The following DNAJC6 variants were observed in gnomAD, a reference collection of about 807,000 sequenced individuals.
DNAJC6 encodes the protein auxilin.
Under a neutral mutation model 110.0 loss-of-function variants are expected in DNAJC6, and 34 were observed. That is an observed-to-expected ratio of 0.31 (90% CI 0.24 to 0.41). DNAJC6 has a LOEUF of 0.41. DNAJC6 is among the 10% of genes least tolerant of loss of function. The probability of loss-of-function intolerance (pLI) is 1.00; values close to 1 mark genes in which losing one functional copy is unlikely to be tolerated. For synonymous variants in DNAJC6, 406 were observed against 437.2 expected, an observed-to-expected ratio of 0.93 and a Z score of 0.89; for missense variants, 1,031 against 1,207.8, an observed-to-expected ratio of 0.85 and a Z score of 2.17.
chr1:65,406,272 G>A, intron 16 of DNAJC6, 139 bp downstream of exon 16: 1 of 1,258,552 alleles, frequency 7.9e-7, no homozygotes, highest in South Asian at 1.5e-5. Context: ...TATAGTTGTA[G>A]AGATAAAACA....
upstream of DNAJC6, among the ~76,000 whole-genome samples, chr1:65,306,121 C>T (rs1224587816): frequency 6.8e-6 from 1 of 146,760 alleles, no homozygotes; most frequent in Non-Finnish European, 1.5e-5. Context: ...TTTGTTGGCT[C>T]ACTGCAAGCT....
intron 13 of DNAJC6, among the ~76,000 whole-genome samples, chr1:65,396,598 T>C (rs1177253399): frequency 6.6e-6 from 1 of 152,222 alleles, no homozygotes; most frequent in Non-Finnish European, 1.5e-5. Context: ...CAGTGGAGTC[T>C]ACTCTGATTC....
chr1:65,358,178 C>CAAAAAAAAAAAAAAAAAAAAA (rs11285114), intron 1 of DNAJC6, among the ~76,000 whole-genome samples: 1 of 80,036 alleles, frequency 1.2e-5, no homozygotes, highest in South Asian at 5.1e-4. Context: ...GACTCAGTCT[C>CAAAAAAAAAAAAAAAAAAAAA]AAAAAAAAAA....
At chr1:65,406,454 G>A (rs1210280823) in intron 16 of DNAJC6, among the ~76,000 whole-genome samples, 1 of 152,194 alleles carries the variant, frequency 6.6e-6, no homozygotes, top group African/African-American at 2.4e-5. Context: ...CTAGCATAGT[G>A]CTTGGCATAG....
Position 65,309,890 on chromosome 1 carries a change from A to AG in DNAJC6, c.146dup (p.Ser49ArgfsTer33). 1 of 1,543,486 alleles carries AG rather than the reference A, an allele frequency of 6.5e-7. No individual in the cohort carries two copies. The highest frequency in any genetic ancestry group is 8.7e-7 in the Non-Finnish European group (1 of 1,143,438). On this transcript the variant is annotated frameshift_variant, in exon 1 of 19. Coordinates refer to ENST00000371069, the MANE Select transcript of DNAJC6 (RefSeq NM_001256864.2). LOFTEE classifies it high-confidence loss of function. ...AGTGAACGCCGGGGCAGCGGCGCGG[A>AG]GTCCCGCCCGACAGCCTCCGGACCG...
chr1:65,406,328 A>G lies in DNAJC6; in HGVS notation c.2491+195A>G, dbSNP rs60807413. Among the ~76,000 whole-genome samples the G allele has an allele frequency of 0.15, 19,372 of 125,790 alleles. 1,320 individuals carry two copies. Among genetic ancestry groups the G allele is most frequent in the African/African-American group, 0.27 (8,131 of 29,702 alleles). 82.5% of individuals were successfully genotyped at this position (125,790 alleles called of 152,430 possible). A position where few individuals can be genotyped will look rare whatever the true frequency, so the allele number is the denominator to read the frequency against. On this transcript the variant is annotated intron_variant, in intron 16 of 18. Transcript: ENST00000371069. Reference sequence around the variant, plus strand: ...GTACCTGGAGGCTCCTAGGTTGACTATGCTCCTAACTTTTATACCATTTTG... The same window carrying G: ...GTACCTGGAGGCTCCTAGGTTGACTGTGCTCCTAACTTTTATACCATTTTG...
At chr1:65,407,387 A>G (rs2101637507) in intron 16 of DNAJC6, among the ~76,000 whole-genome samples, 1 of 152,324 alleles carries the variant, frequency 6.6e-6, no homozygotes, top group South Asian at 2.1e-4. Flanking sequence ...CTTCAAAACC[A>G]ACCGCATATC....
At chr1:65,409,573 T>G (rs752132439) in intron 17 of DNAJC6, among the ~76,000 whole-genome samples, 13 of 152,178 alleles carry the variant, frequency 8.5e-5, no homozygotes, top group Non-Finnish European at 1.8e-4. Context: ...CTTTGAGAGC[T>G]TTTTTATTAA....
chr1:65,340,940 C>T (rs1645383361), intron 1 of DNAJC6, among the ~76,000 whole-genome samples: 1 of 152,160 alleles, frequency 6.6e-6, no homozygotes, highest in African/African-American at 2.4e-5. Context: ...AAAACAGGCA[C>T]CCCAGGCTAT....
chr1:65,290,911 G>A (rs1002583566), intron 1 of DNAJC6, among the ~76,000 whole-genome samples: 1 of 152,166 alleles, frequency 6.6e-6, no homozygotes, highest in Non-Finnish European at 1.5e-5. Flanking sequence ...ATTAGGAAAT[G>A]CATCATGAAA....
At chr1:65,354,808 G>A (rs1645526594) in intron 1 of DNAJC6, among the ~76,000 whole-genome samples, 1 of 152,018 alleles carries the variant, frequency 6.6e-6, no homozygotes, top group African/African-American at 2.4e-5. Flanking sequence ...ATACACACAA[G>A]CACATGTATA....
rs1312055301 is a variant in DNAJC6 at position 65,380,911 on chromosome 1, G to GTTT, written c.666+1389_666+1391dup. ...GGGAGTTTTTTTTTTTTTGTTTTTT[G>GTTT]TTTTGTTTTGTTTTTTTTTTTTTTT... is the stretch of plus-strand genomic sequence containing the variant. On this transcript the variant is annotated intron_variant, in intron 5 of 18. Coordinates refer to ENST00000371069, the MANE Select transcript of DNAJC6 (RefSeq NM_001256864.2). Among the ~76,000 whole-genome samples, 116 of 114,858 alleles carry GTTT rather than the reference G, an allele frequency of 1.0e-3. 12 individuals are homozygous for GTTT. Among genetic ancestry groups the GTTT allele is most frequent in the African/African-American group, 2.9e-3 (67 of 23,282 alleles). The allele number at this position is 114,858 out of a possible 152,430, so 75.4% of individuals were successfully genotyped here. A position where few individuals can be genotyped will look rare whatever the true frequency, so the allele number is the denominator to read the frequency against.
intron 1 of DNAJC6, among the ~76,000 whole-genome samples, chr1:65,295,312 C>G (rs1644918554): frequency 6.6e-6 from 1 of 152,200 alleles, no homozygotes; most frequent in South Asian, 2.1e-4. Context: ...CAGCATTGTT[C>G]TCTCAGATCA....
chr1:65,300,899 C>A (rs185080369), intron 1 of DNAJC6, among the ~76,000 whole-genome samples: 1 of 152,262 alleles, frequency 6.6e-6, no homozygotes, highest in Non-Finnish European at 1.5e-5. Flanking sequence ...TCTACATCCT[C>A]TATGGCCCAG....
chr1:65,358,080 G>A (rs554456790), intron 1 of DNAJC6, among the ~76,000 whole-genome samples: 2 of 150,238 alleles, frequency 1.3e-5, no homozygotes, highest in South Asian at 2.1e-4. Flanking sequence ...TCGGGAGGCC[G>A]ACGCAGGTGA....
At chr1:65,279,244 CT>C in intron 1 of DNAJC6, 1 of 770,400 alleles carries the variant, frequency 1.3e-6, no homozygotes, top group Non-Finnish European at 1.6e-6. Context: ...TTGAACCCAG[CT>C]GTGACTCCTG....
intron 1 of DNAJC6, among the ~76,000 whole-genome samples, chr1:65,330,849 A>G (rs545629087): frequency 2.0e-5 from 3 of 152,322 alleles, no homozygotes; most frequent in Admixed American, 6.5e-5. Context: ...AGCTGCTTCT[A>G]TCATGCTGCT....
chr1:65,287,126 G>A (rs966428657), intron 1 of DNAJC6, among the ~76,000 whole-genome samples: 3 of 152,232 alleles, frequency 2.0e-5, no homozygotes, highest in Non-Finnish European at 1.5e-5. Flanking sequence ...GAGAGAAAGA[G>A]TGAATGAAAG....
intron 14 of DNAJC6, among the ~76,000 whole-genome samples, chr1:65,399,434 T>C (rs1446789819): frequency 1.3e-5 from 2 of 152,138 alleles, no homozygotes; most frequent in Admixed American, 6.5e-5. Flanking sequence ...GCTCCTGACA[T>C]TGAGCAAGTT....
Sources: gnomAD v4.1 joint callset for allele counts (sites outside exome capture counted in the v4.1 genomes callset) on GRCh38, gnomAD v4.1.1 for gene constraint, MANE v1.5 for transcripts, NCBI Gene and HGNC (gene_info 2026-07-23, HGNC 2026-07-21) for gene names.